SUCLG2: variants seen among roughly 807,000 people sequenced by gnomAD.
SUCLG2 encodes succinate-CoA ligase GDP-forming subunit beta.
Under a neutral mutation model 47.9 loss-of-function variants are expected in SUCLG2, and 42 were observed. The observed-to-expected ratio is 0.88, with a 90% CI of 0.69 to 1.14. The LOEUF (loss-of-function observed/expected upper bound fraction) is 1.14, where lower values mean the gene tolerates loss of function less well. Ranked by LOEUF, SUCLG2 falls within the 50% of genes most tolerant of loss-of-function variation. SUCLG2 has a pLI of 0.00. For synonymous variants in SUCLG2, 195 were observed against 197.3 expected (o/e 0.99, Z 0.10); for missense variants, 571 against 525.9 (o/e 1.09, Z -0.84).
chr3:67,514,324 G>A (rs1705882224), intron 6 of SUCLG2: 1 of 392,900 alleles, frequency 2.5e-6, no homozygotes, highest in South Asian at 2.4e-5. Flanking sequence ...CTCATATTAA[G>A]TCTGGCAATG....
intron 10 of SUCLG2, among the ~76,000 whole-genome samples, chr3:67,394,574 T>C (rs561866206): frequency 3.3e-4 from 50 of 151,582 alleles, no homozygotes; most frequent in African/African-American, 1.1e-3. Flanking sequence ...ACGGGGAGAA[T>C]GGAACTAAGT....
intron 9 of SUCLG2, among the ~76,000 whole-genome samples, chr3:67,424,990 T>C (rs1362833501): frequency 6.6e-6 from 1 of 152,176 alleles, no homozygotes; most frequent in East Asian, 1.9e-4. Context: ...AGGCTGCTCA[T>C]TGAGCCTACT....
downstream of SUCLG2, among the ~76,000 whole-genome samples, chr3:67,373,389 A>G (rs1701979523): frequency 6.6e-6 from 1 of 152,138 alleles, no homozygotes; most frequent in African/African-American, 2.4e-5. Context: ...TATTTCATAA[A>G]AGGATTAATA....
rs574498098 is a variant in SUCLG2 at position 67,654,373 on chromosome 3, A to G, written c.84+130T>C. The stretch of plus-strand genomic sequence containing the variant: ...CTGCGCCTGGACCCGGCGCCGCGTC[A>G]CCTCCCGAAGTGGGGCGCCCGAGGG... On this transcript the variant is annotated intron_variant, in intron 1 of 10. Coordinates refer to ENST00000307227, the MANE Select transcript of SUCLG2 (RefSeq NM_003848.4). 176 of 684,612 alleles carry G rather than the reference A, an allele frequency of 2.6e-4. 4 individuals are homozygous for G. In the South Asian group the frequency reaches 0.012, roughly 48 times the overall value. 42.4% of individuals were successfully genotyped at this position (684,612 alleles called of 1,614,324 possible). A position where few individuals can be genotyped will look rare whatever the true frequency, so the allele number is the denominator to read the frequency against.
At chr3:67,367,445 CTT>C (rs1242624104) in intron 10 of SUCLG2, among the ~76,000 whole-genome samples, 1 of 152,218 alleles carries the variant, frequency 6.6e-6, no homozygotes, top group South Asian at 2.1e-4. Context: ...TAAGTATACT[CTT>C]GTCTCACTTA....
intron 9 of SUCLG2, among the ~76,000 whole-genome samples, chr3:67,424,565 T>C (rs776541856): frequency 1.3e-5 from 2 of 152,214 alleles, no homozygotes; most frequent in Non-Finnish European, 2.9e-5. Context: ...ACTAGCTCTG[T>C]GTCCTCTGGT....
In SUCLG2 at chr3:67,377,304, T is replaced by C. The variant is rs1172026158; in HGVS notation, c.1184-1445A>G. On this transcript the variant is annotated intron_variant, in intron 10 of 10. Transcript: ENST00000307227. ...ACCTACTTGAAAAATGAGGACAGTA[T>C]AGCTGATGGTATAGATTGTGATGAG... 5.9e-5 allele frequency among the ~76,000 whole-genome samples: 9 copies of C among 152,238 alleles called. No individual in the cohort carries two copies. In the East Asian group the frequency reaches 1.7e-3, roughly 29 times the overall value.
In SUCLG2 at chr3:67,408,291, T is replaced by A. The variant is rs182101661; in HGVS notation, c.1063-7440A>T. Among the ~76,000 whole-genome samples the A allele has an allele frequency of 1.4e-3, 212 of 152,262 alleles. 2 individuals carry two copies. The highest frequency in any genetic ancestry group is 4.9e-3 in the African/African-American group (204 of 41,552). ...AAAACTGACATGTGAAAAACAGCAT[T>A]CCTCGAAAGATACCCTCCCACTCTG... On this transcript the variant is annotated intron_variant, in intron 9 of 10. Coordinates refer to ENST00000307227, the MANE Select transcript of SUCLG2 (RefSeq NM_003848.4).
At chr3:67,416,599 A>T (rs781472660) in intron 9 of SUCLG2, among the ~76,000 whole-genome samples, 1 of 152,176 alleles carries the variant, frequency 6.6e-6, no homozygotes, top group Non-Finnish European at 1.5e-5. Flanking sequence ...TTCTATAATG[A>T]TCTGTTACAT....
chr3:67,475,737 C>G (rs1362933865), intron 9 of SUCLG2, among the ~76,000 whole-genome samples: 2 of 149,340 alleles, frequency 1.3e-5, no homozygotes, highest in South Asian at 4.3e-4. Context: ...TTTTTGAGAG[C>G]GAGATGGAGT....
intron 2 of SUCLG2, among the ~76,000 whole-genome samples, chr3:67,578,280 T>A (rs7636075): frequency 0.26 from 36,086 of 141,234 alleles, 4,949 homozygotes; most frequent in East Asian, 0.43. Flanking sequence ...ATATAAAATT[T>A]TATATATATA....
intron 2 of SUCLG2, among the ~76,000 whole-genome samples, chr3:67,594,739 G>C (rs1321615850): frequency 6.6e-6 from 1 of 152,188 alleles, no homozygotes; most frequent in African/African-American, 2.4e-5. Flanking sequence ...GTACCTTCTG[G>C]TGTGATGGGT....
chr3:67,367,348 A>C (rs12634424), intron 10 of SUCLG2, among the ~76,000 whole-genome samples: 1 of 152,068 alleles, frequency 6.6e-6, no homozygotes, highest in South Asian at 2.1e-4. Flanking sequence ...AGTTTTCACA[A>C]TCATAGAACA....
At chr3:67,456,585 AT>A (rs1371098658) in intron 9 of SUCLG2, among the ~76,000 whole-genome samples, 6 of 152,234 alleles carry the variant, frequency 3.9e-5, no homozygotes, top group African/African-American at 1.4e-4. Context: ...GGGTATGGTA[AT>A]TTCAGGCTTC....
At chr3:67,619,394 A>T (rs1200431910) in intron 1 of SUCLG2, among the ~76,000 whole-genome samples, 1 of 152,230 alleles carries the variant, frequency 6.6e-6, no homozygotes, top group African/African-American at 2.4e-5. Flanking sequence ...TTTCAAATAC[A>T]GGTATGTCTG....
intron 9 of SUCLG2, among the ~76,000 whole-genome samples, chr3:67,405,018 A>AACCAGAG (rs1702770305): frequency 6.7e-6 from 1 of 148,454 alleles, no homozygotes; most frequent in Non-Finnish European, 1.5e-5. Context: ...CTATTTAAGT[A>AACCAGAG]ACCAGAGACT....
At chr3:67,567,663 T>G (rs1707493872) in intron 2 of SUCLG2, among the ~76,000 whole-genome samples, 1 of 152,162 alleles carries the variant, frequency 6.6e-6, no homozygotes, top group African/African-American at 2.4e-5. Flanking sequence ...CCTTCTTTAT[T>G]CCCACTTATA....
chr3:67,643,697 G>C (rs1701142650), intron 1 of SUCLG2, among the ~76,000 whole-genome samples: 1 of 152,162 alleles, frequency 6.6e-6, no homozygotes, highest in Non-Finnish European at 1.5e-5. Context: ...GAGACTGTAG[G>C]TTCCTTAAAG....
intron 1 of SUCLG2, among the ~76,000 whole-genome samples, chr3:67,611,923 A>T (rs1261390764): frequency 6.6e-6 from 1 of 152,220 alleles, no homozygotes; most frequent in Non-Finnish European, 1.5e-5. Context: ...CACAGTTCCA[A>T]ATCCACTGAT....
Sources: allele counts gnomAD v4.1 joint callset (sites outside exome capture counted in the v4.1 genomes callset), GRCh38; gene constraint gnomAD v4.1.1; transcripts MANE v1.5; gene names NCBI Gene and HGNC (gene_info 2026-07-23, HGNC 2026-07-21).